CDC42BPA: variants seen among roughly 807,000 people sequenced by gnomAD.
CDC42BPA encodes the protein serine/threonine-protein kinase MRCK alpha.
In CDC42BPA, 80 loss-of-function variants were observed where a neutral mutation model predicts 223.5. The observed-to-expected ratio is 0.36, with a 90% CI of 0.30 to 0.43. The LOEUF is 0.43. Ranked by LOEUF, CDC42BPA falls within the 20% of genes least tolerant of loss-of-function variation. The pLI, the probability that CDC42BPA is intolerant of heterozygous loss-of-function variation, is 1.00. For synonymous variants in CDC42BPA, 694 were observed against 718.6 expected (o/e 0.97, Z 0.55); for missense variants, 1,743 against 2,099.9 (o/e 0.83, Z 3.32).
chr1:227,055,647 T>TC (rs764488153), intron 21 of CDC42BPA, among the ~76,000 whole-genome samples: 5 of 151,980 alleles, frequency 3.3e-5, no homozygotes, highest in Non-Finnish European at 5.9e-5. Context: ...GTTAAAATAT[T>TC]CTTTTTGTCA....
At chr1:227,307,326 T>C (rs1374192908) in intron 1 of CDC42BPA, among the ~76,000 whole-genome samples, 1 of 152,198 alleles carries the variant, frequency 6.6e-6, no homozygotes, top group Non-Finnish European at 1.5e-5. Flanking sequence ...TGCCTTTGTT[T>C]GGAAATTGAT....
intron 34 of CDC42BPA, 149 bp downstream of exon 34, chr1:227,015,931 A>G: frequency 1.8e-6 from 1 of 548,434 alleles, no homozygotes; most frequent in Middle Eastern, 2.8e-4. Context: ...GTATGTCATC[A>G]TGTATCTTAG....
At chr1:227,100,870 C>A (rs11806820) in intron 15 of CDC42BPA, 122 bp downstream of exon 15, 1 of 601,372 alleles carries the variant, frequency 1.7e-6, no homozygotes, top group South Asian at 2.6e-5. Context: ...TTTCTATCTG[C>A]CAATCCTGAC....
At chr1:227,291,858 C>T (rs1689757172) in intron 1 of CDC42BPA, among the ~76,000 whole-genome samples, 1 of 152,040 alleles carries the variant, frequency 6.6e-6, no homozygotes, top group African/African-American at 2.4e-5. Context: ...AGACATGTAC[C>T]ACCAGAAATT....
At chr1:227,132,113 C>G (rs1367698688) in intron 10 of CDC42BPA, among the ~76,000 whole-genome samples, 1 of 137,472 alleles carries the variant, frequency 7.3e-6, no homozygotes, top group Non-Finnish European at 1.6e-5. Flanking sequence ...TTAAGAAATT[C>G]AACCCTCTCC....
At chr1:227,209,206 T>A (rs1348206756) in intron 3 of CDC42BPA, among the ~76,000 whole-genome samples, 1 of 146,202 alleles carries the variant, frequency 6.8e-6, no homozygotes. Flanking sequence ...ACATTGATTT[T>A]GTATCCTGAG....
chr1:227,256,922 TAAAC>T lies in CDC42BPA; in HGVS notation c.179-2771_179-2768del, dbSNP rs1459542566. ...AAATGTCCATCAAGAGATGAACAGA[TAAAC>T]AAAATGTGATATATATATACAGACA... is the stretch of plus-strand genomic sequence containing the variant. On this transcript the variant is annotated intron_variant, in intron 1 of 36. Coordinates refer to ENST00000366766, the MANE Select transcript of CDC42BPA (RefSeq NM_001394014.1). 5.1e-5 allele frequency among the ~76,000 whole-genome samples: 7 copies of T among 136,238 alleles called. No homozygotes were observed. In the East Asian group the frequency reaches 1.2e-3, roughly 23 times the overall value. 89.4% of individuals were successfully genotyped at this position (136,238 alleles called of 152,430 possible).
At chr1:227,043,793 C>T (rs1265635538) in intron 23 of CDC42BPA, among the ~76,000 whole-genome samples, 1 of 152,150 alleles carries the variant, frequency 6.6e-6, no homozygotes, top group Non-Finnish European at 1.5e-5. Context: ...CAACTCCCTA[C>T]TGCCATAAAA....
chr1:227,141,810 G>A (rs557784987), intron 9 of CDC42BPA, among the ~76,000 whole-genome samples: 10 of 152,100 alleles, frequency 6.6e-5, no homozygotes, highest in African/African-American at 2.4e-4. Context: ...TTTCTAAATC[G>A]TTTTAAAAAT....
chr1:227,287,263 A>AG (rs1163095100), intron 1 of CDC42BPA, among the ~76,000 whole-genome samples: 1 of 152,170 alleles, frequency 6.6e-6, no homozygotes, highest in African/African-American at 2.4e-5. Flanking sequence ...CACAGACCTG[A>AG]GACTGCTATT....
In CDC42BPA at chr1:227,007,694, CT is replaced by C. The variant is rs576501529; in HGVS notation, c.4858-2584del. On this transcript the variant is annotated intron_variant, in intron 34 of 36. Transcript: ENST00000366766. ...GGCTCAGAAAATATTACTCTTTCTTCTAGTAGCTTAACATAGAGAATACAAT... is the reference window on the plus strand; with the variant it reads ...GGCTCAGAAAATATTACTCTTTCTTCAGTAGCTTAACATAGAGAATACAAT... Among the ~76,000 whole-genome samples the C allele has an allele frequency of 1.2e-3, 188 of 152,302 alleles. 1 individual carries two copies. Among genetic ancestry groups the C allele is most frequent in the Admixed American group, 3.2e-3 (49 of 15,290 alleles).
intron 1 of CDC42BPA, among the ~76,000 whole-genome samples, chr1:227,307,182 C>T (rs1692706743): frequency 6.6e-6 from 1 of 152,170 alleles, no homozygotes; most frequent in Non-Finnish European, 1.5e-5. Context: ...AGTCATGTAT[C>T]AAGTCTCACT....
In CDC42BPA at chr1:227,112,923, T is replaced by C. The variant is rs1308991846; in HGVS notation, c.1648-10A>G. Reference sequence around the variant, plus strand: ...TAGCCTGGACTAGTTCCTACAGTTTTGTAAAAAGAATATAAGTTACCAATT... The same window carrying C: ...TAGCCTGGACTAGTTCCTACAGTTTCGTAAAAAGAATATAAGTTACCAATT... On this transcript the variant is annotated splice_polypyrimidine_tract_variant and intron_variant, in intron 12 of 36. Coordinates refer to ENST00000366766, the MANE Select transcript of CDC42BPA (RefSeq NM_001394014.1). 2 of 1,611,420 alleles carry C rather than the reference T, an allele frequency of 1.2e-6. No homozygotes were observed. Among genetic ancestry groups the C allele is most frequent in the East Asian group, 2.2e-5 (1 of 44,864 alleles).
intron 1 of CDC42BPA, among the ~76,000 whole-genome samples, chr1:227,266,700 T>C (rs1685057811): frequency 6.6e-6 from 1 of 152,346 alleles, no homozygotes; most frequent in South Asian, 2.1e-4. Context: ...GCTATCAGAA[T>C]AGGACTCATA....
intron 5 of CDC42BPA, among the ~76,000 whole-genome samples, chr1:227,165,458 TACTG>T (rs1664871483): frequency 6.9e-6 from 1 of 144,504 alleles, no homozygotes; most frequent in East Asian, 2.1e-4. Flanking sequence ...ATTTTAAGAG[TACTG>T]ACAAACAACT....
chr1:227,217,707 G>T (rs532797808), intron 2 of CDC42BPA, among the ~76,000 whole-genome samples: 1 of 151,926 alleles, frequency 6.6e-6, no homozygotes, highest in African/African-American at 2.4e-5. Flanking sequence ...CCCTGACCTC[G>T]TGCTACTCTC....
intron 2 of CDC42BPA, among the ~76,000 whole-genome samples, chr1:227,242,424 G>A (rs911284856): frequency 2.0e-5 from 3 of 151,504 alleles, no homozygotes; most frequent in Non-Finnish European, 2.9e-5. Context: ...CAATAATAGA[G>A]GAAAAAGAAA....
At chr1:227,182,105 T>C (rs562558791) in intron 5 of CDC42BPA, among the ~76,000 whole-genome samples, 1 of 152,298 alleles carries the variant, frequency 6.6e-6, no homozygotes, top group African/African-American at 2.4e-5. Flanking sequence ...GACTGCTCCT[T>C]CTTAGTTTTC....
intron 15 of CDC42BPA, among the ~76,000 whole-genome samples, 197 bp from the exon 16 acceptor site, chr1:227,092,188 T>C (rs535586960): frequency 6.6e-6 from 1 of 152,328 alleles, no homozygotes; most frequent in African/African-American, 2.4e-5. Flanking sequence ...ATTACAATAA[T>C]ACTGATTTGT....
Sources: allele counts gnomAD v4.1 joint callset (sites outside exome capture counted in the v4.1 genomes callset), GRCh38; gene constraint gnomAD v4.1.1; transcripts MANE v1.5; gene names NCBI Gene and HGNC (gene_info 2026-07-23, HGNC 2026-07-21).